The following XRCC5 variants were observed in gnomAD, a reference collection of about 807,000 sequenced individuals.
XRCC5 encodes X-ray repair cross complementing 5.
In XRCC5, 12 loss-of-function variants were observed where a neutral mutation model predicts 95.7. The observed-to-expected ratio is 0.13, with a 90% confidence interval of 0.08 to 0.20. XRCC5 has a LOEUF of 0.20. XRCC5 is among the 10% of genes least tolerant of loss of function. The probability of loss-of-function intolerance (pLI) is 1.00; values close to 1 mark genes in which losing one functional copy is unlikely to be tolerated. For missense variants in XRCC5, 595 were observed against 873.9 expected (o/e 0.68, Z 4.02); for synonymous variants, 281 against 290.3 (o/e 0.97, Z 0.33).
At chr2:216,126,055 A>G in intron 7 of XRCC5, 24 bp downstream of exon 7, 1 of 1,560,202 alleles carries the variant, frequency 6.4e-7, no homozygotes, top group South Asian at 1.1e-5. Context: ...ACACATTTTT[A>G]ACAGAAATGT....
intron 16 of XRCC5, chr2:216,175,570 T>C: frequency 2.5e-6 from 1 of 393,424 alleles, no homozygotes; most frequent in South Asian, 2.0e-5. Context: ...ATCCATAACT[T>C]GTATGGTTTC....
In XRCC5 at chr2:216,137,068, A is replaced by ACATC; in HGVS notation, c.1114-15_1114-12dup. The ACATC allele has an allele frequency of 6.2e-7, 1 of 1,610,234 alleles. No individual in the cohort carries two copies. Among genetic ancestry groups the ACATC allele is most frequent in the Non-Finnish European group, 8.5e-7 (1 of 1,178,172 alleles). ...TCTCACATGTTGAATATGTGTTAATACATCCATCTTTCTTACCAGGCAGCT... is the reference window on the plus strand; with the variant it reads ...TCTCACATGTTGAATATGTGTTAATACATCCATCCATCTTTCTTACCAGGCAGCT... On this transcript the variant is annotated intron_variant, in intron 10 of 20. Coordinates refer to ENST00000392132, the MANE Select transcript of XRCC5 (RefSeq NM_021141.4).
At chr2:216,140,497 A>G (rs1297978022) in intron 12 of XRCC5, among the ~76,000 whole-genome samples, 1 of 152,166 alleles carries the variant, frequency 6.6e-6, no homozygotes, top group Non-Finnish European at 1.5e-5. Flanking sequence ...GTAGATTTTT[A>G]TTGAGGAGCA....
At chr2:216,120,041 A>G (rs1175438434) in intron 5 of XRCC5, among the ~76,000 whole-genome samples, 1 of 152,202 alleles carries the variant, frequency 6.6e-6, no homozygotes, top group African/African-American at 2.4e-5. Context: ...GCCTGGGGGT[A>G]TTAAGAACTT....
At chr2:216,193,499 C>G (rs1366036289) in intron 18 of XRCC5, among the ~76,000 whole-genome samples, 2 of 152,196 alleles carry the variant, frequency 1.3e-5, no homozygotes, top group African/African-American at 4.8e-5. Context: ...GCATACCTAT[C>G]TATCCGCCTT....
At chr2:216,163,274 A>G (rs1688987646) in intron 16 of XRCC5, among the ~76,000 whole-genome samples, 1 of 151,900 alleles carries the variant, frequency 6.6e-6, no homozygotes. Context: ...CTCTGAGATT[A>G]CATGTGTAAG....
intron 14 of XRCC5, among the ~76,000 whole-genome samples, chr2:216,155,236 CAA>C (rs10674711): frequency 2.5e-5 from 2 of 80,436 alleles, no homozygotes; most frequent in African/African-American, 5.1e-5. Flanking sequence ...ACTCCCATCT[CAA>C]AAAAAAAAAA....
chr2:216,200,678 AG>A (rs1216790860), intron 19 of XRCC5, among the ~76,000 whole-genome samples: 1 of 152,156 alleles, frequency 6.6e-6, no homozygotes, highest in Non-Finnish European at 1.5e-5. Flanking sequence ...GTACCTTCCT[AG>A]TCAGAAGCCC....
At chr2:216,193,085 C>T (rs919177410) in intron 18 of XRCC5, among the ~76,000 whole-genome samples, 9 of 152,286 alleles carry the variant, frequency 5.9e-5, no homozygotes, top group Admixed American at 4.6e-4. Flanking sequence ...CCATTTCAGT[C>T]CTGCTGGTTC....
chr2:216,188,798 ATT>A (rs1471724088), intron 16 of XRCC5, among the ~76,000 whole-genome samples: 1 of 152,206 alleles, frequency 6.6e-6, no homozygotes. Flanking sequence ...TCATCTGAAC[ATT>A]CTCTCTCTAT....
intron 14 of XRCC5, among the ~76,000 whole-genome samples, chr2:216,152,919 T>C (rs962550748): frequency 1.3e-5 from 2 of 152,186 alleles, no homozygotes; most frequent in African/African-American, 2.4e-5. Flanking sequence ...CTTCTCTCTT[T>C]CTGTATTTTT....
Position 216,148,147 on chromosome 2 carries a change from A to G in XRCC5, c.1541A>G (p.Asn514Ser). The G allele has an allele frequency of 6.2e-7, 1 of 1,614,112 alleles. No homozygotes were observed. The highest frequency in any genetic ancestry group is 8.5e-7 in the Non-Finnish European group (1 of 1,179,988). The change falls in exon 14 of 21, where the codon AAT (asparagine) becomes AGT (serine). Residue 514 changes from asparagine (N) to serine (S), a missense_variant. By Grantham distance (46) the Asn-to-Ser change is conservative (BLOSUM62 1). Transcript: ENST00000392132. Reference protein sequence around the residue: ...PLPPIQQHIWNMLNPPAEVTT... With the variant: ...PLPPIQQHIWSMLNPPAEVTT... Reference sequence around the variant, plus strand: ...CCCCCAATTCAGCAGCATATTTGGAATATGCTGAATCCTCCCGCTGAGGTG... The same window carrying G: ...CCCCCAATTCAGCAGCATATTTGGAGTATGCTGAATCCTCCCGCTGAGGTG...
intron 14 of XRCC5, chr2:216,156,929 G>T: frequency 3.2e-6 from 1 of 310,752 alleles, no homozygotes; most frequent in Non-Finnish European, 6.4e-6. Context: ...TCGCCTTTCT[G>T]GGGAGAGTTT....
chr2:216,129,265 G>A (rs1006250840), intron 8 of XRCC5, among the ~76,000 whole-genome samples: 7 of 152,200 alleles, frequency 4.6e-5, no homozygotes, highest in African/African-American at 1.7e-4. Flanking sequence ...TTCAAAGAGC[G>A]TAGAAGTGCA....
intron 6 of XRCC5, among the ~76,000 whole-genome samples, chr2:216,122,859 A>G (rs1057227377): frequency 2.6e-5 from 4 of 152,318 alleles, no homozygotes; most frequent in East Asian, 3.9e-4. Flanking sequence ...GAAGTACCGT[A>G]TAACAATAAA....
intron 17 of XRCC5, among the ~76,000 whole-genome samples, chr2:216,192,149 C>T (rs895507987): frequency 6.6e-6 from 1 of 152,128 alleles, no homozygotes; most frequent in African/African-American, 2.4e-5. Context: ...CATGCGCCTG[C>T]CACCGCATCC....
At chr2:216,163,851 CA>C (rs376127879) in intron 16 of XRCC5, among the ~76,000 whole-genome samples, 22 of 152,320 alleles carry the variant, frequency 1.4e-4, no homozygotes, top group African/African-American at 5.3e-4. Context: ...CAGTAATCTG[CA>C]GTCTCTTAAG....
intron 8 of XRCC5, among the ~76,000 whole-genome samples, chr2:216,129,303 C>G (rs979636814): frequency 2.0e-5 from 3 of 152,186 alleles, no homozygotes; most frequent in African/African-American, 4.8e-5. Context: ...CAGTTTCCAG[C>G]CCCTAATCAG....
At chr2:216,123,834 A>G (rs1355366803) in intron 6 of XRCC5, among the ~76,000 whole-genome samples, 3 of 152,130 alleles carry the variant, frequency 2.0e-5, no homozygotes, top group Non-Finnish European at 4.4e-5. Context: ...AGAGGCCAAT[A>G]TAGATTACTC....
Sources: allele counts gnomAD v4.1 joint callset (sites outside exome capture counted in the v4.1 genomes callset), GRCh38; gene constraint gnomAD v4.1.1; transcripts MANE v1.5; gene names NCBI Gene and HGNC (gene_info 2026-07-23, HGNC 2026-07-21).